Variants in CPEB1 observed in about 807,000 individuals in gnomAD.
CPEB1 encodes cytoplasmic polyadenylation element-binding protein 1.
A neutral mutation model predicts 65.8 loss-of-function variants in CPEB1; 7 were observed. The ratio of observed to expected loss-of-function variants is 0.11; its 90% CI spans 0.06 to 0.20. The LOEUF is 0.20. CPEB1 is among the 10% of genes least tolerant of loss of function. The pLI is 1.00. For missense variants in CPEB1, 551 were observed against 712.2 expected (o/e 0.77, Z 2.58); for synonymous variants, 262 against 260.0 (o/e 1.01, Z -0.08).
chr15:82,603,996 G>A (rs971939676), intron 3 of CPEB1, among the ~76,000 whole-genome samples: 17 of 152,196 alleles, frequency 1.1e-4, no homozygotes, highest in African/African-American at 3.9e-4. Flanking sequence ...CCCTGACAAA[G>A]GGCAGACATT....
chr15:82,570,326 A>G (rs1242379448), intron 4 of CPEB1, among the ~76,000 whole-genome samples: 1 of 152,174 alleles, frequency 6.6e-6, no homozygotes, highest in Non-Finnish European at 1.5e-5. Flanking sequence ...AGGGAAGGAC[A>G]GCAGACTTGG....
chr15:82,580,109 C>A (rs1440327521), intron 3 of CPEB1, among the ~76,000 whole-genome samples: 1 of 151,478 alleles, frequency 6.6e-6, no homozygotes, highest in African/African-American at 2.4e-5. Flanking sequence ...ATAATGAGGT[C>A]AAGAGATCGA....
chr15:82,603,956 T>C (rs1056913041), intron 3 of CPEB1, among the ~76,000 whole-genome samples: 1 of 152,172 alleles, frequency 6.6e-6, no homozygotes, highest in African/African-American at 2.4e-5. Flanking sequence ...GTATGGCCCA[T>C]TCATGGGGGA....
chr15:82,568,145 C>G (rs1249416381), intron 4 of CPEB1, among the ~76,000 whole-genome samples: 1 of 152,180 alleles, frequency 6.6e-6, no homozygotes, highest in East Asian at 1.9e-4. Context: ...GAATTCTGAG[C>G]CTTCCAGGAG....
In CPEB1 at chr15:82,622,411, C is replaced by A. The variant is rs2045380438; in HGVS notation, c.271+4782G>T. Reference sequence around the variant, plus strand: ...CTCCAGCTACTCTTTCCCTGCCCCGCCACATCTCTCTCCAGAGTCGCACTC... The same window carrying A: ...CTCCAGCTACTCTTTCCCTGCCCCGACACATCTCTCTCCAGAGTCGCACTC... On this transcript the variant is annotated intron_variant, in intron 3 of 12. Coordinates refer to ENST00000684509, the MANE Select transcript of CPEB1 (RefSeq NM_001365242.1). Among the ~76,000 whole-genome samples the A allele has an allele frequency of 2.6e-5, 4 of 152,086 alleles. No individual in the cohort carries two copies. In the South Asian group the frequency reaches 8.3e-4, roughly 32 times the overall value.
chr15:82,576,032 T>G (rs959906772), intron 3 of CPEB1, among the ~76,000 whole-genome samples: 1 of 152,194 alleles, frequency 6.6e-6, no homozygotes, highest in African/African-American at 2.4e-5. Context: ...TGTGCAAGAA[T>G]AGTCATAGCA....
chr15:82,557,137 C>T (rs773087776), intron 5 of CPEB1, among the ~76,000 whole-genome samples: 1 of 152,222 alleles, frequency 6.6e-6, no homozygotes, highest in Non-Finnish European at 1.5e-5. Flanking sequence ...CCTACCTATT[C>T]TAATTCATTT....
chr15:82,646,577 G>A (rs938318403), intron 1 of CPEB1, among the ~76,000 whole-genome samples: 11 of 152,192 alleles, frequency 7.2e-5, no homozygotes, highest in African/African-American at 1.9e-4. Context: ...CAAGGGGCCA[G>A]GGCTGCAGGG....
intron 12 of CPEB1, among the ~76,000 whole-genome samples, chr15:82,545,338 C>T (rs961913222): frequency 6.6e-6 from 1 of 152,210 alleles, no homozygotes; most frequent in African/African-American, 2.4e-5. Context: ...CACTTGAGAG[C>T]CTCAGTTTAA....
intron 1 of CPEB1, among the ~76,000 whole-genome samples, chr15:82,644,844 C>G (rs1483031196): frequency 6.6e-6 from 1 of 152,206 alleles, no homozygotes; most frequent in Admixed American, 6.5e-5. Flanking sequence ...ATTAAGGCAG[C>G]TATTATCATT....
At chr15:82,611,722 A>C (rs370851015) in intron 3 of CPEB1, among the ~76,000 whole-genome samples, 83 of 152,158 alleles carry the variant, frequency 5.5e-4, no homozygotes, top group African/African-American at 2.0e-3. Context: ...AGAAAACCCC[A>C]AAAAACAAAA....
chr15:82,549,800 A>G (rs1020482327), intron 9 of CPEB1, 142 bp from the exon 10 acceptor site: 2 of 742,320 alleles, frequency 2.7e-6, no homozygotes, highest in Non-Finnish European at 4.4e-6. Context: ...GCCCAATCTC[A>G]GGCACACAGG....
intron 1 of CPEB1, among the ~76,000 whole-genome samples, chr15:82,646,285 C>T (rs1002764101): frequency 6.6e-6 from 1 of 152,198 alleles, no homozygotes; most frequent in South Asian, 2.1e-4. Context: ...CCTGTGCCTT[C>T]CAGAATAGGA....
At chr15:82,551,631 A>G (rs953905440) in intron 9 of CPEB1, among the ~76,000 whole-genome samples, 1 of 151,916 alleles carries the variant, frequency 6.6e-6, no homozygotes, top group Non-Finnish European at 1.5e-5. Flanking sequence ...TTCCCATCTT[A>G]TAGAAGAGAA....
At chr15:82,546,915 C>T (rs2035330145) in intron 11 of CPEB1, among the ~76,000 whole-genome samples, 1 of 152,208 alleles carries the variant, frequency 6.6e-6, no homozygotes, top group African/African-American at 2.4e-5. Context: ...TGAGGGAAGG[C>T]ACCCTACACA....
At chr15:82,621,575 G>A (rs1014196849) in intron 3 of CPEB1, among the ~76,000 whole-genome samples, 1 of 150,196 alleles carries the variant, frequency 6.7e-6, no homozygotes, top group Non-Finnish European at 1.5e-5. Flanking sequence ...CCAAGATCCC[G>A]CCATTGCACT....
At chr15:82,568,365 G>A (rs2039481830) in intron 4 of CPEB1, among the ~76,000 whole-genome samples, 1 of 152,104 alleles carries the variant, frequency 6.6e-6, no homozygotes, top group African/African-American at 2.4e-5. Flanking sequence ...GACAAGGGTA[G>A]CCCTGGACAT....
intron 4 of CPEB1, among the ~76,000 whole-genome samples, chr15:82,567,724 G>A (rs2039385439): frequency 6.6e-6 from 1 of 152,156 alleles, no homozygotes; most frequent in African/African-American, 2.4e-5. Context: ...AAACAGACAT[G>A]TCCTCTGGCA....
At chr15:82,544,755 CAG>C in intron 12 of CPEB1, 53 bp from the exon 13 acceptor site, 1 of 1,370,112 alleles carries the variant, frequency 7.3e-7, no homozygotes, top group Non-Finnish European at 1.0e-6. Context: ...GCACCAGACA[CAG>C]GAGCTGTTGC....
Sources: gnomAD v4.1 joint callset for allele counts (sites outside exome capture counted in the v4.1 genomes callset) on GRCh38, gnomAD v4.1.1 for gene constraint, MANE v1.5 for transcripts, NCBI Gene and HGNC (gene_info 2026-07-23, HGNC 2026-07-21) for gene names.